PTPRN2: variants seen among roughly 807,000 people sequenced by gnomAD.
The protein encoded by PTPRN2 is receptor-type tyrosine-protein phosphatase N2.
In PTPRN2, 74 loss-of-function variants were observed where a neutral mutation model predicts 118.8. The ratio of observed to expected loss-of-function variants is 0.62; its 90% CI spans 0.52 to 0.76. PTPRN2 has a LOEUF of 0.76. PTPRN2 is among the 30% of genes least tolerant of loss of function. The pLI is 0.00. For synonymous variants in PTPRN2, 641 were observed against 608.0 expected, an observed-to-expected ratio of 1.05 and a Z score of -0.80; for missense variants, 1,481 against 1,394.4, an observed-to-expected ratio of 1.06 and a Z score of -0.99.
intron 12 of PTPRN2, among the ~76,000 whole-genome samples, chr7:157,716,818 G>A (rs1214730169): frequency 1.3e-5 from 1 of 78,956 alleles, no homozygotes; most frequent in Non-Finnish European, 2.5e-5. Context: ...GCCTGGCCAC[G>A]TAGACTCTGC....
intron 11 of PTPRN2, among the ~76,000 whole-genome samples, chr7:158,023,145 C>T (rs768916559): frequency 3.3e-5 from 5 of 152,178 alleles, no homozygotes; most frequent in Non-Finnish European, 7.3e-5. Context: ...CAATTTAGCA[C>T]AGAAAACCAC....
At chr7:158,239,296 C>A (rs1158019799) in intron 3 of PTPRN2, among the ~76,000 whole-genome samples, 1 of 152,224 alleles carries the variant, frequency 6.6e-6, no homozygotes, top group East Asian at 1.9e-4. Context: ...TCTGTTGGAG[C>A]AGACGCGACC....
At chr7:158,245,989 T>C (rs192510277) in intron 3 of PTPRN2, among the ~76,000 whole-genome samples, 8 of 151,994 alleles carry the variant, frequency 5.3e-5, no homozygotes, top group Non-Finnish European at 1.0e-4. Context: ...CAGGGCCTGG[T>C]TGGCAGCAGC....
chr7:157,610,894 T>C lies in PTPRN2; in HGVS notation c.2345-6819A>G, dbSNP rs1802290754. 6.6e-6 allele frequency among the ~76,000 whole-genome samples: 1 copy of C among 152,172 alleles called. No homozygotes were observed. Among genetic ancestry groups the C allele is most frequent in the African/African-American group, 2.4e-5 (1 of 41,438 alleles). ...TCAAGCTATAAAGCTCATCGAACAT[T>C]TAGGAAAGTCAGCTGAGTGTCATTC... On this transcript the variant is annotated intron_variant, in intron 15 of 22. Coordinates refer to ENST00000389418, the MANE Select transcript of PTPRN2 (RefSeq NM_002847.5). The surrounding 1 kb of genome is among the most constrained non-coding windows in gnomAD (Gnocchi z 5.1).
At chr7:158,071,278 C>CCGTGGTGGTGGAGGTGCT (rs1483609929) in intron 11 of PTPRN2, among the ~76,000 whole-genome samples, 1 of 25,126 alleles carries the variant, frequency 4.0e-5, no homozygotes, top group African/African-American at 1.9e-4. Context: ...GTGGAGGTGC[C>CCGTGGTGGTGGAGGTGCT]CGTGGTGGTG....
At chr7:158,516,856 A>G (rs573914799) in intron 1 of PTPRN2, among the ~76,000 whole-genome samples, 1 of 149,252 alleles carries the variant, frequency 6.7e-6, no homozygotes, top group African/African-American at 2.5e-5. Flanking sequence ...GCTTCTGCCT[A>G]TTGTTCTTGG....
chr7:157,821,772 A>G (rs981491215), intron 12 of PTPRN2, among the ~76,000 whole-genome samples: 17 of 152,134 alleles, frequency 1.1e-4, no homozygotes, highest in African/African-American at 3.9e-4. Context: ...AGACAAATAA[A>G]CCAGAGGCCA....
chr7:158,171,338 T>TAC (rs1823678020), intron 5 of PTPRN2, among the ~76,000 whole-genome samples: 1 of 124,562 alleles, frequency 8.0e-6, no homozygotes, highest in African/African-American at 3.2e-5. Context: ...TATATATATA[T>TAC]ATATATATAT....
chr7:158,030,063 G>A (rs1290176966), intron 11 of PTPRN2: 1 of 152,216 alleles, frequency 6.6e-6, no homozygotes, highest in Non-Finnish European at 1.5e-5. Flanking sequence ...TATTTTGTTA[G>A]ATTAGAAGCA....
intron 2 of PTPRN2, among the ~76,000 whole-genome samples, chr7:158,342,125 C>T (rs71200507): frequency 6.7e-6 from 1 of 149,242 alleles, no homozygotes; most frequent in African/African-American, 2.5e-5. Context: ...ACACTCTCAC[C>T]ATAAGAGCTG....
Position 158,110,851 on chromosome 7 carries a change from TG to T in PTPRN2, c.1620del (p.Ser541AlafsTer14). Reference sequence around the variant, plus strand: ...TACTCCACGTCAGCGAACGCACTGCTGGGCACCTGCAGGAGGCGGGCGACGT... The same window carrying T: ...TACTCCACGTCAGCGAACGCACTGCTGGCACCTGCAGGAGGCGGGCGACGT... ...VEDVARLLQVPSSAFADVEVL... is the reference protein window; with the variant it reads ...VEDVARLLQVXSSAFADVEVL... On this transcript the variant is annotated frameshift_variant, in exon 10 of 23. Coordinates refer to ENST00000389418, the MANE Select transcript of PTPRN2 (RefSeq NM_002847.5). LOFTEE classifies it high-confidence loss of function. 4 of 1,589,668 alleles carry T rather than the reference TG, an allele frequency of 2.5e-6. No individual in the cohort carries two copies. Among genetic ancestry groups the T allele is most frequent in the Non-Finnish European group, 3.4e-6 (4 of 1,167,626 alleles).
chr7:157,551,979 C>T (rs1009419443), intron 21 of PTPRN2, among the ~76,000 whole-genome samples: 1 of 150,666 alleles, frequency 6.6e-6, no homozygotes, highest in Non-Finnish European at 1.5e-5. Flanking sequence ...ACCCCACAGC[C>T]ACCACACAAC....
chr7:158,081,679 G>A (rs1812855681), intron 10 of PTPRN2, among the ~76,000 whole-genome samples: 2 of 152,194 alleles, frequency 1.3e-5, no homozygotes, highest in Admixed American at 1.3e-4. Context: ...ATTCTTGCTA[G>A]AGAAAAAGAA....
intron 9 of PTPRN2, among the ~76,000 whole-genome samples, chr7:158,129,327 T>C (rs1022334642): frequency 3.0e-5 from 4 of 133,882 alleles, no homozygotes; most frequent in East Asian, 4.6e-4. Flanking sequence ...ACACATACTG[T>C]ACACCACGCA....
chr7:157,901,514 G>A (rs1350977267), intron 11 of PTPRN2, among the ~76,000 whole-genome samples: 1 of 152,242 alleles, frequency 6.6e-6, no homozygotes, highest in Non-Finnish European at 1.5e-5. Flanking sequence ...ATAAAATGGT[G>A]AGCTTTAGTA....
At chr7:157,973,235 G>A (rs1412141634) in intron 11 of PTPRN2, among the ~76,000 whole-genome samples, 1 of 152,200 alleles carries the variant, frequency 6.6e-6, no homozygotes, top group Non-Finnish European at 1.5e-5. Context: ...CAGTTTTGGG[G>A]AAGACAGCCC....
intron 11 of PTPRN2, among the ~76,000 whole-genome samples, chr7:157,899,785 CAT>C (rs1181412372): frequency 6.6e-6 from 1 of 152,160 alleles, no homozygotes; most frequent in African/African-American, 2.4e-5. Flanking sequence ...CTATTTTCTA[CAT>C]ATAACTAATT....
intron 12 of PTPRN2, among the ~76,000 whole-genome samples, chr7:157,844,393 G>C (rs1056406842): frequency 6.6e-6 from 1 of 152,236 alleles, no homozygotes; most frequent in African/African-American, 2.4e-5. Flanking sequence ...GAGGCCACTG[G>C]CATGTGGGAG....
intron 13 of PTPRN2, among the ~76,000 whole-genome samples, chr7:157,679,018 T>C (rs2150800589): frequency 6.6e-6 from 1 of 152,270 alleles, no homozygotes; most frequent in East Asian, 1.9e-4. Context: ...AAAGAATGCA[T>C]AAAGTATACT....
Sources: gnomAD v4.1 joint callset for allele counts (sites outside exome capture counted in the v4.1 genomes callset) on GRCh38, gnomAD v4.1.1 for gene constraint, Gnocchi (gnomAD v3.1) non-coding constraint, MANE v1.5 for transcripts, NCBI Gene and HGNC (gene_info 2026-07-23, HGNC 2026-07-21) for gene names.